Variants in ANKRD30A observed in about 807,000 individuals in gnomAD.
ANKRD30A encodes the protein ankyrin repeat domain-containing protein 30A.
A neutral mutation model predicts 166.3 loss-of-function variants in ANKRD30A; 170 were observed. The ratio of observed to expected loss-of-function variants is 1.02; its 90% confidence interval spans 0.90 to 1.16. The LOEUF is 1.16. ANKRD30A is among the 50% of genes most tolerant of loss of function. ANKRD30A has a pLI of 0.00. For missense variants in ANKRD30A, 1,630 were observed against 1,518.0 expected (o/e 1.07, Z -1.23); for synonymous variants, 564 against 508.9 (o/e 1.11, Z -1.46).
intron 31 of ANKRD30A, among the ~76,000 whole-genome samples, chr10:37,214,825 G>T (rs1564580764): frequency 6.6e-6 from 1 of 151,240 alleles, no homozygotes; most frequent in Non-Finnish European, 1.5e-5. Context: ...GGATCTGTGG[G>T]ATTGTAGCTT....
In ANKRD30A at chr10:37,142,203, T is replaced by A; in HGVS notation, c.1306T>A (p.Ser436Thr). ...GACTGGATGCGTGGCAAGAGTAACA[T>A]CTAATAAAACTAAAGTTTTGGAAAA... Reference protein sequence around the residue: ...VKTGCVARVTSNKTKVLEKGR... With the variant: ...VKTGCVARVTTNKTKVLEKGR... Residue 436 changes from serine to threonine, a missense_variant, in exon 7 of 36, where the codon TCT becomes ACT. By Grantham distance (58) the Ser-to-Thr change is moderately conservative. Around this residue, in one of 4 missense-constraint regions of ANKRD30A, gnomAD observed 904 missense variants for 818.5 expected, o/e 1.10. Coordinates refer to ENST00000361713, the MANE Select transcript of ANKRD30A (RefSeq NM_052997.3). 6.2e-7 allele frequency: 1 copy of A among 1,611,974 alleles called. No individual in the cohort carries two copies. The highest frequency in any genetic ancestry group is 8.5e-7 in the Non-Finnish European group (1 of 1,179,580).
chr10:37,194,200 GAAAT>G (rs1335966753), intron 27 of ANKRD30A, among the ~76,000 whole-genome samples: 1 of 151,952 alleles, frequency 6.6e-6, no homozygotes, highest in Non-Finnish European at 1.5e-5. Context: ...AAAAAGCAAA[GAAAT>G]AAAAACACAA....
intron 31 of ANKRD30A, among the ~76,000 whole-genome samples, chr10:37,205,179 G>A (rs1285417107): frequency 2.6e-5 from 4 of 152,118 alleles, no homozygotes; most frequent in African/African-American, 9.7e-5. Context: ...CTTCACAATA[G>A]CAAAGACTTG....
At chr10:37,137,131 TAATATATTTATA>T (rs1836754731) in intron 6 of ANKRD30A, among the ~76,000 whole-genome samples, 1 of 151,948 alleles carries the variant, frequency 6.6e-6, no homozygotes, top group Non-Finnish European at 1.5e-5. Context: ...TTTAATGAAT[TAATATATTTATA>T]AATAAATTTT....
chr10:37,135,133 A>G (rs1001599304), intron 5 of ANKRD30A: 2 of 152,216 alleles, frequency 1.3e-5, no homozygotes, highest in African/African-American at 4.8e-5. Flanking sequence ...ATTACCATGA[A>G]GCCATTCAAT....
At chr10:37,162,954 T>C (rs1407088077) in intron 17 of ANKRD30A, 106 bp downstream of exon 17, 5 of 1,400,118 alleles carry the variant, frequency 3.6e-6, no homozygotes, top group Non-Finnish European at 4.9e-6. Context: ...GATGAAAAGA[T>C]TTGATCTAGA....
chr10:37,249,411 G>A, the ANKRD30A span, among the ~76,000 whole-genome samples: 135 of 151,718 alleles, frequency 8.9e-4, 2 homozygotes, highest in African/African-American at 3.1e-3. Flanking sequence ...TGGGAAGTAA[G>A]TAAATAGAGC....
Position 37,165,180 on chromosome 10 carries a change from A to T in ANKRD30A, c.2064+25A>T, listed in dbSNP as rs371196688. On this transcript the variant is annotated intron_variant, in intron 18 of 35. Coordinates refer to ENST00000361713, the MANE Select transcript of ANKRD30A (RefSeq NM_052997.3). ...GGTACTGTGTGTTGTTGATTTTTTT[A>T]AATATTAGTATTGCATGATATGAAA... 1.2e-4 allele frequency: 195 copies of T among 1,571,932 alleles called. 1 individual carries two copies. The African/African-American group carries it at 2.3e-3, about 19-fold the overall frequency.
intron 31 of ANKRD30A, among the ~76,000 whole-genome samples, chr10:37,215,432 C>T (rs1842553329): frequency 6.6e-6 from 1 of 151,348 alleles, no homozygotes; most frequent in Admixed American, 6.6e-5. Context: ...GCTATTGCTT[C>T]TGTATCTCTC....
At chr10:37,208,698 T>C (rs1281094308) in intron 31 of ANKRD30A, among the ~76,000 whole-genome samples, 2 of 152,176 alleles carry the variant, frequency 1.3e-5, no homozygotes, top group Non-Finnish European at 2.9e-5. Context: ...ATACAGAGGC[T>C]GACTCCCCTG....
intron 11 of ANKRD30A, 60 bp from the exon 12 acceptor site, chr10:37,152,000 T>A: frequency 6.9e-7 from 1 of 1,444,842 alleles, no homozygotes; most frequent in East Asian, 2.3e-5. Flanking sequence ...TTGTATATGT[T>A]TTTAAAATTT....
intron 25 of ANKRD30A, 139 bp from the exon 26 acceptor site, chr10:37,192,925 C>T: frequency 6.8e-7 from 1 of 1,462,746 alleles, no homozygotes; most frequent in South Asian, 1.2e-5. Flanking sequence ...ATACAGTAAC[C>T]CAAAAGACCC....
chr10:37,230,612 G>T (rs138441738), intron 34 of ANKRD30A, among the ~76,000 whole-genome samples: 71 of 152,104 alleles, frequency 4.7e-4, no homozygotes, highest in Admixed American at 1.6e-3. Flanking sequence ...GATTAAAATT[G>T]AGACCAAAAT....
At chr10:37,262,741 C>T in the ANKRD30A span, among the ~76,000 whole-genome samples, 8 of 152,122 alleles carry the variant, frequency 5.3e-5, 1 homozygote, top group South Asian at 8.3e-4. Flanking sequence ...ACCTAATACA[C>T]CTCTAAGCTA....
chr10:37,128,477 CAT>C (rs1411496040), intron 1 of ANKRD30A, among the ~76,000 whole-genome samples: 40 of 151,954 alleles, frequency 2.6e-4, no homozygotes, highest in Non-Finnish European at 4.9e-4. Context: ...TTATTAGACA[CAT>C]ATTTTTATTA....
At chr10:37,131,416 C>G (rs1836370743) in intron 3 of ANKRD30A, among the ~76,000 whole-genome samples, 1 of 152,140 alleles carries the variant, frequency 6.6e-6, no homozygotes, top group Admixed American at 6.6e-5. Flanking sequence ...TACTGAATTT[C>G]TAATAGCTGA....
chr10:37,147,151 A>T (rs1331145430), intron 8 of ANKRD30A, among the ~76,000 whole-genome samples: 2 of 152,272 alleles, frequency 1.3e-5, no homozygotes, highest in Non-Finnish European at 1.5e-5. Context: ...TTTCATGCTC[A>T]GTAACCGAGT....
downstream of ANKRD30A, among the ~76,000 whole-genome samples, chr10:37,235,616 CAA>C (rs755118685): frequency 2.0e-5 from 3 of 151,908 alleles, no homozygotes; most frequent in Admixed American, 6.6e-5. Context: ...CTCAAAAAGA[CAA>C]AAGACAATAC....
rs1367607021 is a variant in ANKRD30A, at chr10:37,192,033, A to G, written c.2513-1031A>G. ...TACTTCTAGTTTTTGATACTTTCAC[A>G]TTACATGTTTTTTCTTTTTTAGAGA... On this transcript the variant is annotated intron_variant, in intron 25 of 35. Transcript: ENST00000361713. Among the ~76,000 whole-genome samples, 46 of 151,962 alleles carry G rather than the reference A, an allele frequency of 3.0e-4. 1 individual carries two copies. Among genetic ancestry groups the G allele is most frequent in the East Asian group, 7.8e-4 (4 of 5,136 alleles).
Sources: gnomAD v4.1 joint callset for allele counts (sites outside exome capture counted in the v4.1 genomes callset) on GRCh38, gnomAD v4.1.1 for gene constraint, gnomAD v4.1.1 regional missense constraint, MANE v1.5 for transcripts, NCBI Gene and HGNC (gene_info 2026-07-23, HGNC 2026-07-21) for gene names.